CP: variants seen among roughly 807,000 people sequenced by gnomAD.
CP encodes ceruloplasmin.
A neutral mutation model predicts 122.4 loss-of-function variants in CP; 64 were observed. The ratio of observed to expected loss-of-function variants is 0.52; its 90% CI spans 0.43 to 0.64. The LOEUF (loss-of-function observed/expected upper bound fraction) is 0.64. Among genes scored for constraint, CP ranks in the 30% least tolerant of loss-of-function variants. The pLI is 0.00. For synonymous variants in CP, 440 were observed against 436.4 expected (o/e 1.01, Z -0.10); for missense variants, 1,167 against 1,284.4 (o/e 0.91, Z 1.40).
chr3:149,210,080 A>T, intron 3 of CP, 87 bp downstream of exon 3: 1 of 1,334,226 alleles, frequency 7.5e-7, no homozygotes, highest in Non-Finnish European at 1.1e-6. Context: ...CAATCTCAGC[A>T]CAGAAGACTT....
chr3:149,179,711 T>TACACACACAC lies in CP; in HGVS notation c.2555-59_2555-50dup, dbSNP rs71304221. On this transcript the variant is annotated intron_variant, in intron 14 of 18. Coordinates refer to ENST00000264613, the MANE Select transcript of CP (RefSeq NM_000096.4). ...ATCTGGTTGTATTTGGTTTATATTG[T>TACACACACAC]ACACACACACACACACACACACACA... The TACACACACAC allele has an allele frequency of 5.0e-4, 305 of 608,990 alleles. 1 individual carries two copies. Among genetic ancestry groups the TACACACACAC allele is most frequent in the East Asian group, 3.5e-3 (85 of 24,610 alleles). 37.7% of individuals were successfully genotyped at this position (608,990 alleles called of 1,614,324 possible).
chr3:149,198,815 G>A (rs1051549013), intron 8 of CP, among the ~76,000 whole-genome samples: 3 of 152,138 alleles, frequency 2.0e-5, no homozygotes, highest in Non-Finnish European at 2.9e-5. Flanking sequence ...CACATCTTCC[G>A]GGAATGTCCC....
intron 5 of CP, 105 bp downstream of exon 5, chr3:149,207,258 C>G (rs1727798438): frequency 7.3e-7 from 1 of 1,377,332 alleles, no homozygotes. Context: ...AACTAAGATG[C>G]CAGTTCAAAG....
intron 1 of CP, among the ~76,000 whole-genome samples, chr3:149,217,159 A>G (rs1728511714): frequency 6.6e-6 from 1 of 152,096 alleles, no homozygotes; most frequent in Admixed American, 6.6e-5. Flanking sequence ...TTGGCCTCCC[A>G]AAGTGCTGGG....
At chr3:149,177,062 G>A (rs1479562009) in intron 17 of CP, among the ~76,000 whole-genome samples, 1 of 152,118 alleles carries the variant, frequency 6.6e-6, no homozygotes, top group African/African-American at 2.4e-5. Flanking sequence ...GCATTTCCAG[G>A]AGGGCCACTG....
intron 5 of CP, chr3:149,165,877 G>A (rs562050532): frequency 5.0e-6 from 2 of 400,340 alleles, no homozygotes; most frequent in South Asian, 3.7e-5. Flanking sequence ...TTTCATCTCT[G>A]CCATCTGATT....
At chr3:149,172,318 T>TATCACA (rs374839757), downstream of CP, 2 of 570,776 alleles carry the variant, frequency 3.5e-6, no homozygotes, top group South Asian at 3.4e-5. Flanking sequence ...ATTTTATATA[T>TATCACA]CACACACACA....
chr3:149,186,888 T>C (rs961285101), intron 10 of CP, among the ~76,000 whole-genome samples, 156 bp from the exon 11 acceptor site: 1 of 152,204 alleles, frequency 6.6e-6, no homozygotes, highest in South Asian at 2.1e-4. Context: ...TTGCAACTCC[T>C]TGTGGTTCCT....
At chr3:149,202,375 C>A in intron 6 of CP, 134 bp from the exon 7 acceptor site, 2 of 1,118,868 alleles carry the variant, frequency 1.8e-6, no homozygotes, top group South Asian at 1.3e-5. Flanking sequence ...TTATAGCAAT[C>A]CGTACCAGTT....
At chr3:149,166,111 G>A (rs936422196) in intron 4 of CP, 4 of 421,302 alleles carry the variant, frequency 9.5e-6, no homozygotes, top group Non-Finnish European at 1.9e-5. Flanking sequence ...TCTTTATCCT[G>A]GAGAAAGGGA....
Position 149,181,985 on chromosome 3 carries a change from A to ACCCCCCCCCCCCCCCCCCCCC in CP, c.2554+19_2554+20insGGGGGGGGGGGGGGGGGGGGG. ...CAGCCTGTTAAAATGCACCACCCCCACCCCCGCCCCCGTGAGTACCTGGTA... is the reference window on the plus strand; with the variant it reads ...CAGCCTGTTAAAATGCACCACCCCCACCCCCCCCCCCCCCCCCCCCCCCCCCGCCCCCGTGAGTACCTGGTA... On this transcript the variant is annotated intron_variant, in intron 14 of 18. Transcript: ENST00000264613. The ACCCCCCCCCCCCCCCCCCCCC allele has an allele frequency of 5.0e-6, 2 of 402,782 alleles. No homozygotes were observed. The highest frequency in any genetic ancestry group is 4.6e-6 in the Non-Finnish European group (1 of 217,524). The allele number at this position is 402,782 out of a possible 1,614,324, so 25.0% of individuals were successfully genotyped here.
At chr3:149,167,996 T>C (rs748217341), downstream of CP, 17 of 1,392,372 alleles carry the variant, frequency 1.2e-5, no homozygotes, top group East Asian at 3.7e-4. Context: ...AAAATGATTT[T>C]TTTTTTGCTT....
intron 1 of CP, 95 bp downstream of exon 1, chr3:149,221,551 TA>T: frequency 1.7e-6 from 2 of 1,187,402 alleles, no homozygotes; most frequent in Non-Finnish European, 2.4e-6. Flanking sequence ...GCAGTTTCTG[TA>T]TATAAGAAAT....
At chr3:149,177,350 A>G (rs1266080728) in intron 17 of CP, among the ~76,000 whole-genome samples, 2 of 152,192 alleles carry the variant, frequency 1.3e-5, no homozygotes, top group African/African-American at 4.8e-5. Flanking sequence ...TGCAAATCCT[A>G]GGAAGAGCTC....
intron 5 of CP, among the ~76,000 whole-genome samples, chr3:149,164,826 G>A (rs1488404386): frequency 1.3e-5 from 2 of 152,166 alleles, no homozygotes; most frequent in Non-Finnish European, 2.9e-5. Context: ...AATGCTGAGT[G>A]TCTGTTTTCC....
chr3:149,219,723 G>A (rs543551186), intron 1 of CP, among the ~76,000 whole-genome samples: 1 of 152,220 alleles, frequency 6.6e-6, no homozygotes, highest in East Asian at 1.9e-4. Flanking sequence ...GGGCACTACT[G>A]TAAAGGTACC....
chr3:149,171,008 G>A (rs78405561), downstream of CP, among the ~76,000 whole-genome samples: 847 of 152,252 alleles, frequency 5.6e-3, 7 homozygotes, highest in Middle Eastern at 0.01. Context: ...GGCCAGGTGC[G>A]GTGGCTCACG....
chr3:149,176,671 T>C (rs1199911627), intron 17 of CP: 4 of 419,638 alleles, frequency 9.5e-6, no homozygotes, highest in Non-Finnish European at 1.7e-5. Flanking sequence ...ACAAACCTCC[T>C]GTACCTTGAT....
intron 8 of CP, among the ~76,000 whole-genome samples, chr3:149,199,136 C>A (rs531791502): frequency 1.5e-4 from 23 of 152,084 alleles, no homozygotes; most frequent in African/African-American, 5.3e-4. Context: ...TAAAAATAGT[C>A]AAAAAATCCA....
Sources: allele counts gnomAD v4.1 joint callset (sites outside exome capture counted in the v4.1 genomes callset), GRCh38; gene constraint gnomAD v4.1.1; transcripts MANE v1.5; gene names NCBI Gene and HGNC (gene_info 2026-07-23, HGNC 2026-07-21).